Variants in ST6GALNAC3 observed in about 807,000 individuals in gnomAD.
ST6GALNAC3 encodes alpha-N-acetylgalactosaminide alpha-2,6-sialyltransferase 3.
ST6GALNAC3 carries 25 observed loss-of-function variants against 32.7 expected under a neutral mutation model. The ratio of observed to expected loss-of-function variants is 0.76; its 90% confidence interval spans 0.56 to 1.07. ST6GALNAC3 has a LOEUF of 1.07. Among genes scored for constraint, ST6GALNAC3 ranks in the 50% least tolerant of loss-of-function variants. The pLI, the probability that ST6GALNAC3 is intolerant of heterozygous loss-of-function variation, is 0.00. For synonymous variants in ST6GALNAC3, 129 were observed against 133.1 expected, an observed-to-expected ratio of 0.97 and a Z score of 0.21; for missense variants, 355 against 382.4, an observed-to-expected ratio of 0.93 and a Z score of 0.60.
At chr1:76,136,993 T>G (rs1458062197) in intron 1 of ST6GALNAC3, among the ~76,000 whole-genome samples, 1 of 152,232 alleles carries the variant, frequency 6.6e-6, no homozygotes, top group Non-Finnish European at 1.5e-5. Context: ...TACTTTTGTC[T>G]CAGTCTTTAA....
chr1:76,268,921 C>T (rs933901154), intron 1 of ST6GALNAC3, among the ~76,000 whole-genome samples: 1 of 151,200 alleles, frequency 6.6e-6, no homozygotes, highest in African/African-American at 2.4e-5. Flanking sequence ...TCCCAGATCA[C>T]TCTGTCACCC....
chr1:76,225,800 C>T (rs969481676), intron 1 of ST6GALNAC3, among the ~76,000 whole-genome samples: 1 of 152,102 alleles, frequency 6.6e-6, no homozygotes, highest in Admixed American at 6.6e-5. Context: ...ATGGGAACTA[C>T]AGGATTTAAG....
chr1:76,311,043 C>T (rs928232458), intron 1 of ST6GALNAC3, among the ~76,000 whole-genome samples: 3 of 152,170 alleles, frequency 2.0e-5, no homozygotes, highest in African/African-American at 7.2e-5. Context: ...CCGCTTCTGT[C>T]CTGTCAGTAG....
intron 1 of ST6GALNAC3, among the ~76,000 whole-genome samples, chr1:76,112,786 C>G (rs1384786978): frequency 1.3e-5 from 2 of 151,280 alleles, no homozygotes; most frequent in Admixed American, 6.6e-5. Flanking sequence ...GATGGGCGGC[C>G]GGGCAGAGAT....
intron 1 of ST6GALNAC3, among the ~76,000 whole-genome samples, chr1:76,249,331 A>G (rs1460773135): frequency 6.6e-6 from 1 of 152,310 alleles, no homozygotes; most frequent in South Asian, 2.1e-4. Flanking sequence ...TACATTTTCT[A>G]TAAGTGGAAT....
At chr1:76,397,293 A>AT (rs1272341470) in intron 2 of ST6GALNAC3, among the ~76,000 whole-genome samples, 2 of 150,926 alleles carry the variant, frequency 1.3e-5, no homozygotes, top group Admixed American at 6.6e-5. Flanking sequence ...TAGAAATTAA[A>AT]TTTTTTCCTG....
chr1:76,608,598 TGTGTGTG>T (rs1647717027), intron 3 of ST6GALNAC3, among the ~76,000 whole-genome samples: 1 of 10,974 alleles, frequency 9.1e-5, no homozygotes, highest in South Asian at 3.3e-3. Context: ...GAGCTGGAAA[TGTGTGTG>T]TGTGTGTGTG....
chr1:76,269,170 A>G (rs963837544), intron 1 of ST6GALNAC3, among the ~76,000 whole-genome samples: 2 of 152,184 alleles, frequency 1.3e-5, no homozygotes. Flanking sequence ...ACTGTGGGTC[A>G]TGACCCTACT....
At chr1:76,240,303 G>T (rs1656892672) in intron 1 of ST6GALNAC3, among the ~76,000 whole-genome samples, 1 of 152,088 alleles carries the variant, frequency 6.6e-6, no homozygotes, top group East Asian at 1.9e-4. Flanking sequence ...TCCTCTTTCA[G>T]GTCTCTATAA....
intron 3 of ST6GALNAC3, among the ~76,000 whole-genome samples, chr1:76,598,151 C>G (rs560764178): frequency 1.3e-5 from 2 of 152,200 alleles, no homozygotes; most frequent in South Asian, 2.1e-4. Flanking sequence ...TCCCTGAGAT[C>G]TCTTTTAGAA....
chr1:76,483,933 T>TAAATACGGCTAGCCAGCTTTCC (rs1553125509), intron 3 of ST6GALNAC3, among the ~76,000 whole-genome samples: 27,028 of 152,084 alleles, frequency 0.18, 2,972 homozygotes, highest in African/African-American at 0.31. Flanking sequence ...TTCAGCTTTC[T>TAAATACGGCTAGCCAGCTTTCC]ACATACGGCT....
intron 3 of ST6GALNAC3, among the ~76,000 whole-genome samples, chr1:76,481,204 A>C (rs1659700087): frequency 6.6e-6 from 1 of 152,204 alleles, no homozygotes; most frequent in Non-Finnish European, 1.5e-5. Context: ...CACATTCATC[A>C]AGAAAATAGG....
rs531925825 is a variant in ST6GALNAC3, at chr1:76,216,680, A to G, written c.19-97125A>G. Among the ~76,000 whole-genome samples, 4 of 152,368 alleles carry G rather than the reference A, an allele frequency of 2.6e-5. No homozygotes were observed. The South Asian group carries it at 8.3e-4, about 32-fold the overall frequency. On this transcript the variant is annotated intron_variant, in intron 1 of 4. Coordinates refer to ENST00000328299, the MANE Select transcript of ST6GALNAC3 (RefSeq NM_152996.4). ...AACAAAACTTTATTCATTGGTCAGC[A>G]GTTTCATGCAACCATTGAGTGAAAT...
intron 1 of ST6GALNAC3, among the ~76,000 whole-genome samples, chr1:76,237,603 A>C (rs1027136165): frequency 1.3e-5 from 2 of 152,158 alleles, no homozygotes; most frequent in African/African-American, 4.8e-5. Flanking sequence ...TTGTAAGGTA[A>C]TCACTATAAA....
chr1:76,253,949 G>A (rs1051193845), intron 1 of ST6GALNAC3, among the ~76,000 whole-genome samples: 14 of 152,122 alleles, frequency 9.2e-5, no homozygotes, highest in South Asian at 4.1e-4. Flanking sequence ...GCTCCTCAAT[G>A]GCCAATCAGC....
intron 3 of ST6GALNAC3, among the ~76,000 whole-genome samples, chr1:76,504,954 C>T (rs951400725): frequency 3.9e-5 from 6 of 152,052 alleles, no homozygotes; most frequent in South Asian, 2.1e-4. Context: ...CTCTCTCATA[C>T]GGTAATTTCA....
chr1:76,184,315 G>C (rs12086586), intron 1 of ST6GALNAC3, among the ~76,000 whole-genome samples: 29,779 of 151,984 alleles, frequency 0.2, 3,035 homozygotes, highest in African/African-American at 0.22. Context: ...AAAGCAGGAG[G>C]ATCATTTGAG....
At chr1:76,451,703 A>G (rs764901251) in intron 3 of ST6GALNAC3, among the ~76,000 whole-genome samples, 1 of 152,130 alleles carries the variant, frequency 6.6e-6, no homozygotes, top group Non-Finnish European at 1.5e-5. Flanking sequence ...TGAGTTCTTG[A>G]TTTGATTCTC....
intron 3 of ST6GALNAC3, among the ~76,000 whole-genome samples, chr1:76,416,569 A>G (rs530932738): frequency 6.6e-6 from 1 of 151,902 alleles, no homozygotes; most frequent in East Asian, 1.9e-4. Flanking sequence ...TTAAAAAAAA[A>G]TATAGCCCTT....
Sources: gnomAD v4.1 joint callset for allele counts (sites outside exome capture counted in the v4.1 genomes callset) on GRCh38, gnomAD v4.1.1 for gene constraint, MANE v1.5 for transcripts, NCBI Gene and HGNC (gene_info 2026-07-23, HGNC 2026-07-21) for gene names.